Variants in FN3K observed in about 807,000 individuals in gnomAD.
FN3K encodes fructosamine 3 kinase.
In FN3K, 24 loss-of-function variants were observed where a neutral mutation model predicts 24.8. The observed-to-expected ratio is 0.97, with a 90% CI of 0.70 to 1.36. The LOEUF (loss-of-function observed/expected upper bound fraction) is 1.36, where lower values mean the gene tolerates loss of function less well. Ranked by LOEUF, FN3K falls within the 40% of genes most tolerant of loss-of-function variation. The pLI, the probability that FN3K is intolerant of heterozygous loss-of-function variation, is 0.00. For missense variants in FN3K, 449 were observed against 416.7 expected (o/e 1.08, Z -0.67); for synonymous variants, 192 against 175.2 (o/e 1.10, Z -0.76).
chr17:82,738,325 C>T, intron 1 of FN3K, 164 bp from the exon 2 acceptor site: 1 of 885,878 alleles, frequency 1.1e-6, no homozygotes, highest in Non-Finnish European at 1.7e-6. Flanking sequence ...ACGGGGGGCC[C>T]CTCTGCACCC....
Position 82,748,849 on chromosome 17 carries a change from G to T in FN3K, c.469-6G>T, listed in dbSNP as rs953730048. 23 of 1,608,060 alleles carry T rather than the reference G, an allele frequency of 1.4e-5. No homozygotes were observed. Among genetic ancestry groups the T allele is most frequent in the Non-Finnish European group, 2.0e-5 (23 of 1,177,600 alleles). On this transcript the variant is annotated splice_region_variant and splice_polypyrimidine_tract_variant and intron_variant, in intron 4 of 5. Coordinates refer to ENST00000300784, the MANE Select transcript of FN3K (RefSeq NM_022158.4). ...CAACAGTGGCCTCTTTTCCCTTGTTGTCCAGGTGAATGAGTGGCAGGATGA... is the reference window on the plus strand; with the variant it reads ...CAACAGTGGCCTCTTTTCCCTTGTTTTCCAGGTGAATGAGTGGCAGGATGA...
chr17:82,739,082 G>A (rs988480834), intron 2 of FN3K, among the ~76,000 whole-genome samples: 3 of 150,702 alleles, frequency 2.0e-5, no homozygotes, highest in Non-Finnish European at 4.4e-5. Flanking sequence ...TGAGTAGCTG[G>A]GACTACAGGT....
At chr17:82,736,767 C>T (rs2046904165) in intron 1 of FN3K, among the ~76,000 whole-genome samples, 1 of 152,192 alleles carries the variant, frequency 6.6e-6, no homozygotes, top group African/African-American at 2.4e-5. Context: ...GCGATCGGAT[C>T]CTCCGGCATC....
intron 4 of FN3K, among the ~76,000 whole-genome samples, chr17:82,743,847 CAG>C (rs2046954159): frequency 6.6e-6 from 1 of 152,238 alleles, no homozygotes; most frequent in Non-Finnish European, 1.5e-5. Context: ...GCCCCTCTGT[CAG>C]GGGAGGCCTG....
At chr17:82,744,627 G>A (rs1460166916) in intron 4 of FN3K, among the ~76,000 whole-genome samples, 1 of 151,414 alleles carries the variant, frequency 6.6e-6, no homozygotes. Flanking sequence ...AAAGTATAGA[G>A]AGAAATAAGG....
At chr17:82,738,074 G>A (rs977640862) in intron 1 of FN3K, 5 of 183,072 alleles carry the variant, frequency 2.7e-5, no homozygotes, top group African/African-American at 9.4e-5. Flanking sequence ...CCTGCCTGAC[G>A]TGTGTGCCCA....
intron 4 of FN3K, chr17:82,745,375 A>G (rs1297522057): frequency 6.4e-6 from 1 of 157,286 alleles, no homozygotes. Context: ...GGGTAAGGTC[A>G]TAGATTAACA....
At chr17:82,744,583 AC>A (rs562521665) in intron 4 of FN3K, among the ~76,000 whole-genome samples, 451 of 151,264 alleles carry the variant, frequency 3.0e-3, no homozygotes, top group African/African-American at 9.4e-3. Context: ...GTTAGGTAGA[AC>A]GAGAGACTTG....
chr17:82,748,634 C>T (rs2046982148), intron 4 of FN3K, among the ~76,000 whole-genome samples: 1 of 151,994 alleles, frequency 6.6e-6, no homozygotes, highest in Middle Eastern at 3.2e-3. Context: ...TGTGCTTAGT[C>T]ATATAGTTTT....
chr17:82,745,746 A>C (rs2046965002), intron 4 of FN3K: 1 of 152,156 alleles, frequency 6.6e-6, no homozygotes. Context: ...TATCTCGGGT[A>C]AATACCTAGG....
rs1048141386 is a variant in FN3K at position 82,750,912 on chromosome 17, G to A, written c.*157G>A. 19 of 342,728 alleles carry A rather than the reference G, an allele frequency of 5.5e-5. No homozygotes were observed. The highest frequency in any genetic ancestry group is 3.9e-4 in the South Asian group (17 of 43,686). The allele number at this position is 342,728 out of a possible 1,614,324, so 21.2% of individuals were successfully genotyped here. On this transcript the variant is annotated 3_prime_UTR_variant, in exon 6 of 6. Coordinates refer to ENST00000300784, the MANE Select transcript of FN3K (RefSeq NM_022158.4). ...CCCGTCCCCCCATCCTCCTGTCCCC[G>A]TCCCCCCGTCCCCGTCCCTCCATCC... is the stretch of plus-strand genomic sequence containing the variant.
Position 82,750,529 on chromosome 17 carries a change from C to G in FN3K, c.704C>G (p.Pro235Arg). ...GACGTGGGGCCCATTATTTACGACC[C>G]GGCTTCCTTCTATGGCCATTCCGAG... is the stretch of plus-strand genomic sequence containing the variant. ...EDDVGPIIYD[P>R]ASFYGHSEFE... The change falls in exon 6 of 6, where the codon CCG becomes CGG. Residue 235 changes from proline (P) to arginine (R), a missense_variant. Coordinates refer to ENST00000300784, the MANE Select transcript of FN3K (RefSeq NM_022158.4). The G allele has an allele frequency of 6.2e-7, 1 of 1,614,164 alleles. No homozygotes were observed. The highest frequency in any genetic ancestry group is 8.5e-7 in the Non-Finnish European group (1 of 1,180,026).
At chr17:82,739,865 A>C (rs1257658018) in intron 2 of FN3K, among the ~76,000 whole-genome samples, 1 of 151,724 alleles carries the variant, frequency 6.6e-6, no homozygotes, top group Non-Finnish European at 1.5e-5. Flanking sequence ...GGTGTGAGCC[A>C]CCACACCCAG....
At chr17:82,749,729 G>GT (rs1167899948) in intron 5 of FN3K, 2 of 159,858 alleles carry the variant, frequency 1.3e-5, no homozygotes, top group African/African-American at 4.8e-5. Flanking sequence ...TCAATCCAGA[G>GT]TGAGTATACA....
chr17:82,748,217 C>T (rs932365433), intron 4 of FN3K, among the ~76,000 whole-genome samples: 12 of 150,778 alleles, frequency 8.0e-5, no homozygotes, highest in East Asian at 1.9e-4. Context: ...GGCGCGATCT[C>T]GGCTCACTGC....
At chr17:82,738,353 G>A (rs1328812678) in intron 1 of FN3K, 136 bp from the exon 2 acceptor site, 7 of 1,226,142 alleles carry the variant, frequency 5.7e-6, no homozygotes, top group Admixed American at 1.9e-5. Context: ...TGTGGTGGAC[G>A]CCAGCTCCCA....
At chr17:82,747,511 C>T (rs1297288493) in intron 4 of FN3K, among the ~76,000 whole-genome samples, 4 of 152,200 alleles carry the variant, frequency 2.6e-5, no homozygotes, top group African/African-American at 7.2e-5. Context: ...AGAGATTCTC[C>T]TGCCTCAGCC....
At position 82,735,745 on chromosome 17, in the gene FN3K, C is replaced by G. The variant is rs2046896504; in HGVS notation, c.109C>G (p.Pro37Ala). ...CCGAGCCTACGACACGGACGCAGGC[C>G]CAGTGTTCGTCAAAGTCAACCGCAG... is the stretch of plus-strand genomic sequence containing the variant. ...EGRAYDTDAG[P>A]VFVKVNRRTQ... is the part of the protein sequence containing the mutation. The change falls in exon 1 of 6, where the codon CCA becomes GCA. Residue 37 changes from proline to alanine, a missense_variant. Transcript: ENST00000300784. The G allele has an allele frequency of 1.3e-6, 2 of 1,563,136 alleles. No homozygotes were observed. Among genetic ancestry groups the G allele is most frequent in the Non-Finnish European group, 1.7e-6 (2 of 1,155,826 alleles).
At chr17:82,740,591 C>T (rs1276678988) in intron 2 of FN3K, among the ~76,000 whole-genome samples, 172 bp from the exon 3 acceptor site, 1 of 152,052 alleles carries the variant, frequency 6.6e-6, no homozygotes, top group African/African-American at 2.4e-5. Flanking sequence ...GGCCTGGCCC[C>T]AGAAAAGAAA....
Sources: gnomAD v4.1 joint callset for allele counts (sites outside exome capture counted in the v4.1 genomes callset) on GRCh38, gnomAD v4.1.1 for gene constraint, MANE v1.5 for transcripts, NCBI Gene and HGNC (gene_info 2026-07-23, HGNC 2026-07-21) for gene names.